The following TNIK variants were observed in gnomAD, a reference collection of about 807,000 sequenced individuals.
The protein encoded by TNIK is TRAF2 and NCK interacting kinase.
Under a neutral mutation model 191.3 loss-of-function variants are expected in TNIK, and 49 were observed. The observed-to-expected ratio is 0.26, with a 90% CI of 0.20 to 0.32. The LOEUF (loss-of-function observed/expected upper bound fraction) is 0.32. Among genes scored for constraint, TNIK ranks in the 10% least tolerant of loss-of-function variants. TNIK has a pLI of 1.00. For missense variants in TNIK, 1,155 were observed against 1,702.3 expected, an observed-to-expected ratio of 0.68 and a Z score of 5.66; for synonymous variants, 594 against 600.9, an observed-to-expected ratio of 0.99 and a Z score of 0.17.
In TNIK at chr3:171,363,058, C is replaced by G. The variant is rs570503641; in HGVS notation, c.123+6562G>C. ...ATTTTTAGAGCAGTGGTTTTACCCCCACAGAAGACACAGGAAAAACTGGAG... is the reference window on the plus strand; with the variant it reads ...ATTTTTAGAGCAGTGGTTTTACCCCGACAGAAGACACAGGAAAAACTGGAG... On this transcript the variant is annotated intron_variant, in intron 2 of 32. Transcript: ENST00000436636. Among the ~76,000 whole-genome samples, 4 of 152,166 alleles carry G rather than the reference C, an allele frequency of 2.6e-5. No individual in the cohort carries two copies. In the East Asian group the frequency reaches 7.7e-4, roughly 29 times the overall value.
Position 171,460,065 on chromosome 3 carries a change from T to C in TNIK, c.-2A>G, listed in dbSNP as rs957821166. On this transcript the variant is annotated 5_prime_UTR_variant, in exon 1 of 33. Transcript: ENST00000436636. This position sits in a 1 kb window ranked among gnomAD's most constrained non-coding sequence, Gnocchi z 6.8. ...TCGAGCCGGGGAGTCGCTCGCCATG[T>C]CTACTTCTTCGCTGGAGAAATGGAC... 3.7e-6 allele frequency: 6 copies of C among 1,605,224 alleles called. No individual in the cohort carries two copies. In the South Asian group the frequency reaches 4.5e-5, roughly 12 times the overall value.
intron 2 of TNIK, among the ~76,000 whole-genome samples, chr3:171,268,713 G>T (rs1345875578): frequency 6.6e-6 from 1 of 152,054 alleles, no homozygotes; most frequent in Non-Finnish European, 1.5e-5. Flanking sequence ...AGAGGGAAAG[G>T]TAATCAAAGA....
At chr3:171,252,353 C>T (rs1042921246) in intron 2 of TNIK, among the ~76,000 whole-genome samples, 1 of 151,830 alleles carries the variant, frequency 6.6e-6, no homozygotes, top group African/African-American at 2.4e-5. Context: ...TATGGGCAGC[C>T]GATGAAAATT....
At chr3:171,076,373 C>T (rs1014719256) in intron 28 of TNIK, among the ~76,000 whole-genome samples, 1 of 152,078 alleles carries the variant, frequency 6.6e-6, no homozygotes, top group African/African-American at 2.4e-5. Flanking sequence ...TATAGCATGC[C>T]CCTTCTGTTT....
At chr3:171,308,310 A>G (rs1429933592) in intron 2 of TNIK, among the ~76,000 whole-genome samples, 1 of 152,214 alleles carries the variant, frequency 6.6e-6, no homozygotes, top group Non-Finnish European at 1.5e-5. Context: ...AGCTGACAAA[A>G]ACAAGCAATG....
At chr3:171,227,381 C>A (rs1038852061) in intron 3 of TNIK, among the ~76,000 whole-genome samples, 1 of 152,014 alleles carries the variant, frequency 6.6e-6, no homozygotes, top group African/African-American at 2.4e-5. Flanking sequence ...TGTTAAATAT[C>A]CTACTAGGAT....
chr3:171,293,860 G>C (rs1360457779), intron 2 of TNIK, among the ~76,000 whole-genome samples: 3 of 151,976 alleles, frequency 2.0e-5, no homozygotes, highest in Non-Finnish European at 4.4e-5. Context: ...TGGGAAGATT[G>C]CTTGAGACCA....
chr3:171,292,698 C>T lies in TNIK; in HGVS notation c.124-64477G>A, dbSNP rs1044188503. ...GGCTGAGGCAGGAGAATGATGTGAA[C>T]CCGGGAAGCGGAGCTTGCAGTGAGC... On this transcript the variant is annotated intron_variant, in intron 2 of 32. Transcript: ENST00000436636. Among the ~76,000 whole-genome samples, 4 of 146,272 alleles carry T rather than the reference C, an allele frequency of 2.7e-5. No individual in the cohort carries two copies. In the Admixed American group the frequency reaches 2.9e-4, roughly 11 times the overall value.
chr3:171,175,373 A>G (rs1356872265), intron 8 of TNIK, 43 bp from the exon 9 acceptor site: 1 of 1,551,064 alleles, frequency 6.4e-7, no homozygotes, highest in Non-Finnish European at 8.7e-7. Context: ...TTAGGAGGCC[A>G]AACCCAGGCC....
At position 171,177,594 on chromosome 3, in the gene TNIK, A is replaced by G. The variant is rs186371430; in HGVS notation, c.640-214T>C. Among the ~76,000 whole-genome samples, 15 of 152,356 alleles carry G rather than the reference A, an allele frequency of 9.8e-5. No homozygotes were observed. In the East Asian group the frequency reaches 2.9e-3, roughly 29 times the overall value. Reference sequence around the variant, plus strand: ...CACATGGCAGCTTATCAATAAATGTATGAAAAATGAATATAAACAATTTTA... The same window carrying G: ...CACATGGCAGCTTATCAATAAATGTGTGAAAAATGAATATAAACAATTTTA... On this transcript the variant is annotated intron_variant, in intron 7 of 32. Coordinates refer to ENST00000436636, the MANE Select transcript of TNIK (RefSeq NM_015028.4).
intron 10 of TNIK, among the ~76,000 whole-genome samples, chr3:171,166,566 CA>C (rs34639688): frequency 0.72 from 109,562 of 152,050 alleles, 40,420 homozygotes; most frequent in African/African-American, 0.88. Flanking sequence ...ACCTTCAGCT[CA>C]AAAATCTGAT....
chr3:171,419,856 A>C (rs1370231083), intron 1 of TNIK, among the ~76,000 whole-genome samples: 1 of 152,220 alleles, frequency 6.6e-6, no homozygotes, highest in East Asian at 1.9e-4. Flanking sequence ...AAGCTCAGGC[A>C]CTGAATTTGA....
At chr3:171,439,706 G>A (rs1577945285) in intron 1 of TNIK, 1 of 152,274 alleles carries the variant, frequency 6.6e-6, no homozygotes, top group African/African-American at 2.4e-5. Flanking sequence ...GGTGTGACCT[G>A]AGACTCTATC....
chr3:171,290,358 CAG>C (rs1361673967), intron 2 of TNIK, among the ~76,000 whole-genome samples: 1 of 152,154 alleles, frequency 6.6e-6, no homozygotes, highest in Non-Finnish European at 1.5e-5. Flanking sequence ...TCATTAACTA[CAG>C]AGAGGGTTAT....
chr3:171,205,435 G>A (rs939310709), intron 4 of TNIK, among the ~76,000 whole-genome samples: 1 of 152,208 alleles, frequency 6.6e-6, no homozygotes. Context: ...AAACCTGGCA[G>A]AATGTAGGAG....
intron 2 of TNIK, among the ~76,000 whole-genome samples, chr3:171,264,022 ATGTGTG>A (rs200513470): frequency 6.9e-6 from 1 of 145,080 alleles, no homozygotes; most frequent in Admixed American, 6.9e-5. Flanking sequence ...TTATATATGT[ATGTGTG>A]TGTGTGTGTA....
intron 1 of TNIK, among the ~76,000 whole-genome samples, chr3:171,391,319 T>A (rs1440178269): frequency 1.3e-5 from 2 of 152,216 alleles, no homozygotes; most frequent in African/African-American, 4.8e-5. Flanking sequence ...CATGATGGCA[T>A]AAGAATTATT....
intron 12 of TNIK, among the ~76,000 whole-genome samples, chr3:171,155,387 A>C (rs997933702): frequency 6.6e-6 from 1 of 152,220 alleles, no homozygotes; most frequent in African/African-American, 2.4e-5. Flanking sequence ...CCACTGCGCT[A>C]TAGAATAAGA....
intron 3 of TNIK, among the ~76,000 whole-genome samples, chr3:171,222,925 A>AAAAAG (rs200299906): frequency 1.2e-4 from 19 of 152,152 alleles, no homozygotes; most frequent in East Asian, 3.8e-4. Flanking sequence ...CTTGGTTTAA[A>AAAAAG]AAAAGAAAAG....
Sources: allele counts gnomAD v4.1 joint callset (sites outside exome capture counted in the v4.1 genomes callset), GRCh38; gene constraint gnomAD v4.1.1; non-coding constraint Gnocchi (gnomAD v3.1); transcripts MANE v1.5; gene names NCBI Gene and HGNC (gene_info 2026-07-23, HGNC 2026-07-21).